ADH4: variants seen among roughly 807,000 people sequenced by gnomAD.
ADH4 encodes the protein alcohol dehydrogenase 4 (class II), pi polypeptide, also known as all-trans-retinol dehydrogenase [NAD(+)] ADH4.
Under a neutral mutation model 35.2 loss-of-function variants are expected in ADH4, and 31 were observed. The ratio of observed to expected loss-of-function variants is 0.88; its 90% CI spans 0.66 to 1.19. The LOEUF (loss-of-function observed/expected upper bound fraction) is 1.19, where lower values mean the gene tolerates loss of function less well. Ranked by LOEUF, ADH4 falls within the 50% of genes most tolerant of loss-of-function variation. The probability of loss-of-function intolerance (pLI) is 0.00; values close to 1 mark genes in which losing one functional copy is unlikely to be tolerated. For synonymous variants in ADH4, 171 were observed against 160.2 expected, an observed-to-expected ratio of 1.07 and a Z score of -0.51; for missense variants, 476 against 458.3, an observed-to-expected ratio of 1.04 and a Z score of -0.35.
rs1729684235 is a variant in ADH4 at position 99,143,095 on chromosome 4, T to C, written c.19-315A>G. 4.3e-6 allele frequency: 3 copies of C among 699,202 alleles called. No homozygotes were observed. In the East Asian group the frequency reaches 8.1e-5, roughly 19 times the overall value. 43.3% of individuals were successfully genotyped at this position (699,202 alleles called of 1,614,324 possible). ...CTCTATAACAGAGAGAATAGATTTATGGAGTTTGAATAAGGTAGATGGCCT... is the reference window on the plus strand; with the variant it reads ...CTCTATAACAGAGAGAATAGATTTACGGAGTTTGAATAAGGTAGATGGCCT... On this transcript the variant is annotated intron_variant, in intron 1 of 8. Transcript: ENST00000265512.
At chr4:99,143,164 A>T (rs541354575) in intron 1 of ADH4, 16 of 702,062 alleles carry the variant, frequency 2.3e-5, no homozygotes, top group Admixed American at 2.2e-4. Flanking sequence ...CCTCTGAATT[A>T]CCTGAGTCAG....
At chr4:99,130,992 A>C (rs1729252896) in intron 6 of ADH4, among the ~76,000 whole-genome samples, 1 of 152,178 alleles carries the variant, frequency 6.6e-6, no homozygotes, top group South Asian at 2.1e-4. Context: ...ATTCCTATTT[A>C]TGCATTGCAG....
chr4:99,124,379 TA>T lies in ADH4; in HGVS notation c.*62del. 1 of 1,153,508 alleles carries T rather than the reference TA, an allele frequency of 8.7e-7. No individual in the cohort carries two copies. The highest frequency in any genetic ancestry group is 1.3e-6 in the Non-Finnish European group (1 of 787,634). The allele number at this position is 1,153,508 out of a possible 1,614,324, so 71.5% of individuals were successfully genotyped here. On this transcript the variant is annotated 3_prime_UTR_variant, in exon 9 of 9. Transcript: ENST00000265512. ...GCTTTCCTTGGTTCATCAAATCAGGTAATAAATTAACCAGGCAGGTTCACAT... is the reference window on the plus strand; with the variant it reads ...GCTTTCCTTGGTTCATCAAATCAGGTATAAATTAACCAGGCAGGTTCACAT...
Position 99,126,638 on chromosome 4 carries a change from A to G in ADH4, c.1074T>C (p.Phe358=), listed in dbSNP as rs778857567. The stretch of plus-strand genomic sequence containing the variant: ...GGTCAAATGCCTCACTGATTTTGTC[A>G]AAAGGCAGGGTATGGGTCACCAGTG... ...LDALVTHTLP[F]DKISEAFDLM... The change falls in exon 8 of 9, where the codon TTT becomes TTC. Residue 358 remains phenylalanine (F), a synonymous_variant. Transcript: ENST00000265512. The G allele has an allele frequency of 1.2e-6, 2 of 1,610,128 alleles. No homozygotes were observed. The highest frequency in any genetic ancestry group is 2.2e-5 in the South Asian group (2 of 90,644).
In ADH4 at chr4:99,124,320, C is replaced by T. The variant is rs1729010538; in HGVS notation, c.*122G>A. The T allele has an allele frequency of 1.3e-5, 9 of 678,824 alleles. No homozygotes were observed. In the East Asian group the frequency reaches 1.5e-4, roughly 11 times the overall value. The allele number at this position is 678,824 out of a possible 1,614,324, so 42.1% of individuals were successfully genotyped here. A position where few individuals can be genotyped will look rare whatever the true frequency, so the allele number is the denominator to read the frequency against. ...TAATATTTAAAGCTCTTTTATGTTC[C>T]CATATTAAATGTAAATATTTGTTTA... is the stretch of plus-strand genomic sequence containing the variant. On this transcript the variant is annotated 3_prime_UTR_variant, in exon 9 of 9. Coordinates refer to ENST00000265512, the MANE Select transcript of ADH4 (RefSeq NM_000670.5).
Position 99,127,320 on chromosome 4 carries a change from C to T in ADH4, c.868G>A (p.Ala290Thr), listed in dbSNP as rs200208857. 124 of 1,611,328 alleles carry T rather than the reference C, an allele frequency of 7.7e-5. No homozygotes were observed. Among genetic ancestry groups the T allele is most frequent in the South Asian group, 2.8e-4 (25 of 90,706 alleles). The change falls in exon 7 of 9, where the codon GCA (alanine) becomes ACA (threonine). Residue 290 changes from alanine to threonine, a missense_variant. Coordinates refer to ENST00000265512, the MANE Select transcript of ADH4 (RefSeq NM_000670.5). ...TMKAALDCTT[A>T]GWGSCTFIGV... ...ATGAAAGTACATGATCCCCAGCCTG[C>T]GGTTGTACAGTCCAGGGCTGCTTTC...
At position 99,133,339 on chromosome 4, in the gene ADH4, C is replaced by T. The variant is rs188979543; in HGVS notation, c.583-1575G>A. ...ACCACTGTTAGAGGACATTTCCACACTTCCAAAGGTCTCTGTGTAATGTTG... is the reference window on the plus strand; with the variant it reads ...ACCACTGTTAGAGGACATTTCCACATTTCCAAAGGTCTCTGTGTAATGTTG... On this transcript the variant is annotated intron_variant, in intron 5 of 8. Coordinates refer to ENST00000265512, the MANE Select transcript of ADH4 (RefSeq NM_000670.5). 2.6e-4 allele frequency among the ~76,000 whole-genome samples: 40 copies of T among 152,304 alleles called. 1 individual carries two copies. In the East Asian group the frequency reaches 6.4e-3, roughly 24 times the overall value.
At chr4:99,132,092 A>G (rs1018429678) in intron 5 of ADH4, among the ~76,000 whole-genome samples, 12 of 152,208 alleles carry the variant, frequency 7.9e-5, no homozygotes, top group African/African-American at 2.9e-4. Context: ...TCCTTTTAAA[A>G]TTGGATCACT....
intron 4 of ADH4, among the ~76,000 whole-genome samples, chr4:99,137,104 T>C (rs13102874): frequency 0.22 from 31,556 of 144,514 alleles, 3,889 homozygotes; most frequent in Non-Finnish European, 0.29. Context: ...CATGCACCAC[T>C]ACGCCTGGCT....
chr4:99,139,005 G>A, intron 4 of ADH4, 56 bp downstream of exon 4: 1 of 1,354,406 alleles, frequency 7.4e-7, no homozygotes, highest in Admixed American at 1.9e-5. Context: ...ATGTCAATAT[G>A]CTTTCCAAAA....
chr4:99,131,109 A>G (rs970061963), intron 6 of ADH4, among the ~76,000 whole-genome samples: 1 of 151,264 alleles, frequency 6.6e-6, no homozygotes, highest in Non-Finnish European at 1.5e-5. Flanking sequence ...ATTAAAAATG[A>G]AAAAACCCCT....
chr4:99,134,674 G>A (rs13112176), intron 5 of ADH4, among the ~76,000 whole-genome samples: 31,935 of 151,736 alleles, frequency 0.21, 4,035 homozygotes, highest in Non-Finnish European at 0.28. Context: ...TCTGATTGTA[G>A]TTTGGTTTCT....
At chr4:99,140,742 C>T (rs1729584007) in intron 3 of ADH4, among the ~76,000 whole-genome samples, 1 of 151,946 alleles carries the variant, frequency 6.6e-6, no homozygotes. Flanking sequence ...TGGCACATGC[C>T]TGTAATCCCA....
chr4:99,137,529 T>A (rs1013497548), intron 4 of ADH4, among the ~76,000 whole-genome samples: 24 of 152,320 alleles, frequency 1.6e-4, no homozygotes, highest in African/African-American at 5.8e-4. Context: ...CCCAATGTGC[T>A]GGGATTACAG....
rs185441044 is a variant in ADH4, at chr4:99,124,285, A to G, written c.*157T>C. On this transcript the variant is annotated 3_prime_UTR_variant, in exon 9 of 9. Coordinates refer to ENST00000265512, the MANE Select transcript of ADH4 (RefSeq NM_000670.5). Reference sequence around the variant, plus strand: ...GGGAATATTCATATATATAACAGGTACAAAGTCTATAATATTTAAAGCTCT... The same window carrying G: ...GGGAATATTCATATATATAACAGGTGCAAAGTCTATAATATTTAAAGCTCT... The G allele has an allele frequency of 1.2e-4, 74 of 596,752 alleles. No individual in the cohort carries two copies. In the African/African-American group the frequency reaches 1.4e-3, roughly 11 times the overall value. The allele number at this position is 596,752 out of a possible 1,614,324, so 37.0% of individuals were successfully genotyped here.
chr4:99,130,581 C>T (rs920154622), intron 6 of ADH4, among the ~76,000 whole-genome samples: 6 of 152,098 alleles, frequency 3.9e-5, no homozygotes, highest in African/African-American at 1.4e-4. Context: ...TTTCTCTTTC[C>T]ATTTGGATTC....
intron 5 of ADH4, among the ~76,000 whole-genome samples, chr4:99,135,683 T>C (rs1729412471): frequency 6.6e-6 from 1 of 152,148 alleles, no homozygotes; most frequent in Admixed American, 6.5e-5. Context: ...CACTGTAGCC[T>C]ACTGAGGAAT....
At chr4:99,136,236 C>G (rs978017012) in intron 5 of ADH4, among the ~76,000 whole-genome samples, 1 of 152,066 alleles carries the variant, frequency 6.6e-6, no homozygotes, top group Admixed American at 6.6e-5. Flanking sequence ...TATGCTGGGT[C>G]AATTATATGT....
At position 99,141,657 on chromosome 4, in the gene ADH4, G is replaced by C. The variant is rs765350444; in HGVS notation, c.146C>G (p.Thr49Ser). Residue 49 changes from threonine to serine, a missense_variant, in exon 3 of 9, where the codon ACT (threonine) becomes AGT (serine). Thr to Ser is a moderately conservative substitution (Grantham distance 58, BLOSUM62 1). Transcript: ENST00000265512. The part of the protein sequence containing the change: ...IQIIATSLCH[T>S]DATVIDSKFE... ...TTTAGAATCGATAACAGTGGCATCA[G>C]TATGGCACAGAGAGGTAGCAATGAT... 1 of 1,614,060 alleles carries C rather than the reference G, an allele frequency of 6.2e-7. No homozygotes were observed. The highest frequency in any genetic ancestry group is 1.1e-5 in the South Asian group (1 of 91,078).
Sources: allele counts gnomAD v4.1 joint callset (sites outside exome capture counted in the v4.1 genomes callset), GRCh38; gene constraint gnomAD v4.1.1; transcripts MANE v1.5; gene names NCBI Gene and HGNC (gene_info 2026-07-23, HGNC 2026-07-21).